RAI14: variants seen among roughly 807,000 people sequenced by gnomAD.
The protein encoded by RAI14 is retinoic acid induced 14.
Under a neutral mutation model 115.4 loss-of-function variants are expected in RAI14, and 45 were observed. That is an observed-to-expected ratio of 0.39 (90% CI 0.31 to 0.50). RAI14 has a LOEUF of 0.50. Among genes scored for constraint, RAI14 ranks in the 20% least tolerant of loss-of-function variants. The pLI, the probability that RAI14 is intolerant of heterozygous loss-of-function variation, is 0.85. For synonymous variants in RAI14, 371 were observed against 415.4 expected, an observed-to-expected ratio of 0.89 and a Z score of 1.30; for missense variants, 939 against 1,131.2, an observed-to-expected ratio of 0.83 and a Z score of 2.44.
At chr5:34,725,485 C>T (rs969516083) in intron 2 of RAI14, among the ~76,000 whole-genome samples, 1 of 151,826 alleles carries the variant, frequency 6.6e-6, no homozygotes, top group African/African-American at 2.4e-5. Context: ...AGAGGGAAGA[C>T]TCTCCCACCC....
intron 3 of RAI14, among the ~76,000 whole-genome samples, chr5:34,772,825 C>T (rs1260292420): frequency 2.0e-5 from 3 of 152,150 alleles, no homozygotes; most frequent in African/African-American, 4.8e-5. Context: ...AAAATGAGAG[C>T]GAGAGAAAGA....
chr5:34,723,432 A>C (rs928309704), intron 2 of RAI14, among the ~76,000 whole-genome samples: 2 of 152,184 alleles, frequency 1.3e-5, no homozygotes, highest in South Asian at 2.1e-4. Flanking sequence ...GTGAGATCTA[A>C]GTCTTTTGGT....
At chr5:34,795,889 A>G (rs1753462693) in intron 3 of RAI14, 50 bp from the exon 4 acceptor site, 2 of 1,497,276 alleles carry the variant, frequency 1.3e-6, no homozygotes, top group African/African-American at 1.4e-5. Flanking sequence ...TTGGAGATGA[A>G]CATTAAAGAG....
chr5:34,675,063 AT>A (rs1271367603), intron 1 of RAI14, among the ~76,000 whole-genome samples: 1 of 151,762 alleles, frequency 6.6e-6, no homozygotes, highest in African/African-American at 2.4e-5. Flanking sequence ...CACCCAGCTA[AT>A]TTTTGTATTT....
At chr5:34,704,499 C>T (rs989658059) in intron 2 of RAI14, among the ~76,000 whole-genome samples, 2 of 152,192 alleles carry the variant, frequency 1.3e-5, no homozygotes, top group African/African-American at 4.8e-5. Context: ...CCCTACTTAA[C>T]TATCTTTAAA....
At chr5:34,797,960 AT>A (rs1315435118) in intron 4 of RAI14, among the ~76,000 whole-genome samples, 1 of 152,154 alleles carries the variant, frequency 6.6e-6, no homozygotes. Flanking sequence ...GACTGTAGTT[AT>A]TTTCAGCATA....
At chr5:34,822,665 T>A (rs1466719608) in intron 14 of RAI14, among the ~76,000 whole-genome samples, 6 of 6,216 alleles carry the variant, frequency 9.7e-4, no homozygotes, top group South Asian at 4.3e-3. Flanking sequence ...CTTTGGTATC[T>A]TTTTTTTTTT....
intron 1 of RAI14, among the ~76,000 whole-genome samples, chr5:34,669,804 G>A (rs1579863412): frequency 6.6e-6 from 1 of 152,250 alleles, no homozygotes; most frequent in African/African-American, 2.4e-5. Context: ...GTATCTAAAC[G>A]TTCTGCTTTT....
chr5:34,812,088 G>A (rs1367787928), intron 9 of RAI14, 92 bp from the exon 10 acceptor site: 9 of 1,308,040 alleles, frequency 6.9e-6, no homozygotes, highest in Middle Eastern at 2.5e-4. Flanking sequence ...AAAAAATATT[G>A]TATATGGTGT....
intron 2 of RAI14, among the ~76,000 whole-genome samples, chr5:34,719,855 T>A (rs1473141146): frequency 1.3e-5 from 2 of 152,210 alleles, no homozygotes; most frequent in Non-Finnish European, 2.9e-5. Flanking sequence ...TTCAAAGATA[T>A]TTTTTGTGGT....
chr5:34,742,471 G>A lies in RAI14; in HGVS notation c.37-14997G>A, dbSNP rs1310972280. Among the ~76,000 whole-genome samples the A allele has an allele frequency of 2.6e-5, 4 of 152,144 alleles. No individual in the cohort carries two copies. In the South Asian group the frequency reaches 6.2e-4, roughly 24 times the overall value. On this transcript the variant is annotated intron_variant, in intron 2 of 17. Coordinates refer to ENST00000265109, the MANE Select transcript of RAI14 (RefSeq NM_015577.3). The stretch of plus-strand genomic sequence containing the variant: ...TTTCAGACACCTAGGTGATTCTAAT[G>A]TGCAGCCTTGAGCCATATTCTTTGA...
At chr5:34,779,832 C>G (rs1751380376) in intron 3 of RAI14, among the ~76,000 whole-genome samples, 1 of 152,152 alleles carries the variant, frequency 6.6e-6, no homozygotes, top group Admixed American at 6.5e-5. Flanking sequence ...CCCCATCAAG[C>G]TACCAATGAC....
At chr5:34,770,129 G>A (rs549753378) in intron 3 of RAI14, among the ~76,000 whole-genome samples, 11 of 152,246 alleles carry the variant, frequency 7.2e-5, no homozygotes, top group Admixed American at 3.9e-4. Flanking sequence ...CTCCCCTGGC[G>A]TCAGGACAGG....
chr5:34,823,309 G>C lies in RAI14; in HGVS notation c.1467G>C (p.Gln489His), dbSNP rs540309181. The C allele has an allele frequency of 6.2e-6, 10 of 1,613,980 alleles. No individual in the cohort carries two copies. In the Admixed American group the frequency reaches 1.3e-4, roughly 22 times the overall value. The change falls in exon 15 of 18, where the codon CAG becomes CAC. Residue 489 changes from glutamine to histidine, a missense_variant. Physicochemically the swap from Gln to His is conservative, Grantham distance 24. Transcript: ENST00000265109. The surrounding 1 kb of genome is among the most constrained non-coding windows in gnomAD (Gnocchi z 4.5). Reference sequence around the variant, plus strand: ...TCAGCCAGAAACTTAAAGAAACTCAGAGCAAATACGAGGAGGCTATGAAAG... The same window carrying C: ...TCAGCCAGAAACTTAAAGAAACTCACAGCAAATACGAGGAGGCTATGAAAG... ...SDLSQKLKET[Q>H]SKYEEAMKEV...
intron 4 of RAI14, among the ~76,000 whole-genome samples, chr5:34,801,955 T>C (rs1010337151): frequency 3.3e-5 from 5 of 152,034 alleles, no homozygotes; most frequent in Admixed American, 3.3e-4. Flanking sequence ...TCCCAGCTAC[T>C]AGGGAGTCTG....
chr5:34,693,462 A>G (rs147974658), intron 2 of RAI14, among the ~76,000 whole-genome samples: 162 of 152,320 alleles, frequency 1.1e-3, no homozygotes, highest in Admixed American at 3.7e-3. Context: ...CTGACCTTCT[A>G]TTACAGGAAT....
chr5:34,691,927 A>G (rs1210866468), intron 2 of RAI14, among the ~76,000 whole-genome samples: 1 of 152,204 alleles, frequency 6.6e-6, no homozygotes, highest in Non-Finnish European at 1.5e-5. Flanking sequence ...AGAACCAGGC[A>G]TATCCTGCTC....
chr5:34,688,002 G>T (rs942945621), intron 2 of RAI14: 1 of 1,275,858 alleles, frequency 7.8e-7, no homozygotes, highest in African/African-American at 1.5e-5. Context: ...GTAAAATACC[G>T]ACCCACTTAA....
At chr5:34,806,648 C>G (rs185707207) in intron 5 of RAI14, among the ~76,000 whole-genome samples, 30 of 152,120 alleles carry the variant, frequency 2.0e-4, no homozygotes, top group African/African-American at 7.0e-4. Flanking sequence ...GGAATCAAAG[C>G]TGAATCGCTG....
Sources: allele counts gnomAD v4.1 joint callset (sites outside exome capture counted in the v4.1 genomes callset), GRCh38; gene constraint gnomAD v4.1.1; non-coding constraint Gnocchi (gnomAD v3.1); transcripts MANE v1.5; gene names NCBI Gene and HGNC (gene_info 2026-07-23, HGNC 2026-07-21).